The following ADAMTS20 variants were observed in gnomAD, a reference collection of about 807,000 sequenced individuals.
ADAMTS20 encodes the protein A disintegrin and metalloproteinase with thrombospondin motifs 20.
In ADAMTS20, 225 loss-of-function variants were observed where a neutral mutation model predicts 260.1. The ratio of observed to expected loss-of-function variants is 0.87; its 90% CI spans 0.78 to 0.97. ADAMTS20 has a LOEUF of 0.97. ADAMTS20 is among the 50% of genes least tolerant of loss of function. The probability of loss-of-function intolerance (pLI) is 0.00; values close to 1 mark genes in which losing one functional copy is unlikely to be tolerated. For missense variants in ADAMTS20, 2,400 were observed against 2,337.7 expected (o/e 1.03, Z -0.55); for synonymous variants, 802 against 769.5 (o/e 1.04, Z -0.70).
In ADAMTS20 at chr12:43,394,524, C is replaced by CTA. The variant is rs554162342; in HGVS notation, c.4452+4540_4452+4541dup. On this transcript the variant is annotated intron_variant, in intron 29 of 38. Transcript: ENST00000389420. ...TTATTTACCCTTTAACCTGTAAAATCTATATATATAATATTTCACATTTAT... is the reference window on the plus strand; with the variant it reads ...TTATTTACCCTTTAACCTGTAAAATCTATATATATATAATATTTCACATTTAT... Among the ~76,000 whole-genome samples the CTA allele has an allele frequency of 4.3e-3, 648 of 152,074 alleles. 5 individuals carry two copies. The highest frequency in any genetic ancestry group is 0.015 in the African/African-American group (632 of 41,508).
At position 43,389,689 on chromosome 12, in the gene ADAMTS20, G is replaced by A. The variant is rs376022295; in HGVS notation, c.4453-5712C>T. Among the ~76,000 whole-genome samples, 3 of 151,548 alleles carry A rather than the reference G, an allele frequency of 2.0e-5. No individual in the cohort carries two copies. The East Asian group carries it at 5.8e-4, about 29-fold the overall frequency. ...AGCTTAGTGGGGACAATTCAGCCAGGTTTTTTTTGTTTTTGTTTTTGTTTT... is the reference window on the plus strand; with the variant it reads ...AGCTTAGTGGGGACAATTCAGCCAGATTTTTTTTGTTTTTGTTTTTGTTTT... On this transcript the variant is annotated intron_variant, in intron 29 of 38. Transcript: ENST00000389420.
At chr12:43,432,006 T>C (rs1941454093) in intron 21 of ADAMTS20, among the ~76,000 whole-genome samples, 1 of 151,814 alleles carries the variant, frequency 6.6e-6, no homozygotes, top group African/African-American at 2.4e-5. Context: ...GCCTCCCGAG[T>C]AGCTGGGACC....
intron 3 of ADAMTS20, among the ~76,000 whole-genome samples, chr12:43,509,775 T>C (rs754205915): frequency 2.6e-5 from 4 of 152,096 alleles, no homozygotes; most frequent in Non-Finnish European, 5.9e-5. Context: ...GGGTCATATA[T>C]TCATCAATAT....
At chr12:43,377,646 T>A in intron 31 of ADAMTS20, 84 bp from the exon 32 acceptor site, 23 of 1,046,178 alleles carry the variant, frequency 2.2e-5, no homozygotes, top group Non-Finnish European at 3.0e-5. Flanking sequence ...ATATATATTA[T>A]GCTGTGTCAT....
chr12:43,432,374 A>C lies in ADAMTS20; in HGVS notation c.3026T>G (p.Leu1009Arg), dbSNP rs1188874270. The change falls in exon 21 of 39, where the codon CTG becomes CGG. Residue 1009 changes from leucine (L) to arginine (R), a missense_variant. Coordinates refer to ENST00000389420, the MANE Select transcript of ADAMTS20 (RefSeq NM_025003.5). The stretch of plus-strand genomic sequence containing the variant: ...GCAATTCTCTCTCGTCACTCGGGAC[A>C]GTTCTTGGCATTCATTGTCAGCAAG... ...HRLADNECQE[L>R]SRVTRENCNE... The C allele has an allele frequency of 1.2e-6, 2 of 1,613,948 alleles. No individual in the cohort carries two copies. The highest frequency in any genetic ancestry group is 3.3e-5 in the Admixed American group (2 of 60,002).
intron 3 of ADAMTS20, among the ~76,000 whole-genome samples, chr12:43,512,667 T>C (rs1009922421): frequency 3.3e-5 from 5 of 152,168 alleles, no homozygotes; most frequent in Non-Finnish European, 7.4e-5. Flanking sequence ...AACTTGCCAG[T>C]GGCCAGCTGA....
At chr12:43,491,387 C>T (rs1229036300) in intron 6 of ADAMTS20, among the ~76,000 whole-genome samples, 1 of 152,124 alleles carries the variant, frequency 6.6e-6, no homozygotes, top group South Asian at 2.1e-4. Context: ...TGGAATGTGT[C>T]CCCGTCATTA....
rs767283639 is a variant in ADAMTS20, at chr12:43,437,592, A to T, written c.2593+2030T>A. On this transcript the variant is annotated intron_variant, in intron 18 of 38. Transcript: ENST00000389420. The stretch of plus-strand genomic sequence containing the variant: ...AAGAACTTCAAAATTCTAAAGAAAA[A>T]CATTCTCTATTTATACCAGCTAAAC... Among the ~76,000 whole-genome samples, 38 of 152,298 alleles carry T rather than the reference A, an allele frequency of 2.5e-4. No individual in the cohort carries two copies. The Middle Eastern group carries it at 0.01, about 41-fold the overall frequency.
chr12:43,357,028 C>G (rs576765635), intron 37 of ADAMTS20, among the ~76,000 whole-genome samples: 10 of 152,164 alleles, frequency 6.6e-5, no homozygotes, highest in Admixed American at 1.3e-4. Context: ...AAACAGCGTG[C>G]AGATGTGTGA....
chr12:43,526,667 C>A (rs1254818187), intron 3 of ADAMTS20, among the ~76,000 whole-genome samples: 3 of 152,120 alleles, frequency 2.0e-5, no homozygotes, highest in African/African-American at 4.8e-5. Flanking sequence ...TTATCAAAAT[C>A]TTTGGGACAG....
intron 7 of ADAMTS20, among the ~76,000 whole-genome samples, chr12:43,471,669 TC>T (rs1422480816): frequency 1.4e-5 from 2 of 139,054 alleles, no homozygotes; most frequent in African/African-American, 5.5e-5. Context: ...CTCAAGTGGG[TC>T]CCTGACCCCT....
At chr12:43,389,076 C>A (rs750779985) in intron 29 of ADAMTS20, among the ~76,000 whole-genome samples, 3 of 152,186 alleles carry the variant, frequency 2.0e-5, no homozygotes, top group Non-Finnish European at 4.4e-5. Context: ...CCCTGCCCCA[C>A]TCCTCAAATT....
In ADAMTS20 at chr12:43,377,417, C is replaced by A; in HGVS notation, c.4943G>T (p.Cys1648Phe). Residue 1648 changes from cysteine to phenylalanine, a missense_variant, in exon 32 of 39, where the codon TGC (cysteine) becomes TTC (phenylalanine). Transcript: ENST00000389420. ...PVVPSSQVYQ[C>F]INSCLHLATW... ...GGCCAAATGCAAACAGCTGTTAATG[C>A]ATTGGTAAACCTGAGAGGAAGGCAC... The A allele has an allele frequency of 6.2e-7, 1 of 1,613,390 alleles. No individual in the cohort carries two copies. Among genetic ancestry groups the A allele is most frequent in the Non-Finnish European group, 8.5e-7 (1 of 1,179,600 alleles).
At chr12:43,445,092 G>A (rs1447495950) in intron 15 of ADAMTS20, among the ~76,000 whole-genome samples, 2 of 151,852 alleles carry the variant, frequency 1.3e-5, no homozygotes, top group Middle Eastern at 3.2e-3. Context: ...TTTCAAGAAA[G>A]CAAGCCTAAG....
At chr12:43,464,541 A>G (rs1244905417) in intron 10 of ADAMTS20, 50 bp downstream of exon 10, 1 of 1,581,534 alleles carries the variant, frequency 6.3e-7, no homozygotes, top group Admixed American at 1.8e-5. Flanking sequence ...ATATTCTAAG[A>G]TAACTTTATG....
chr12:43,354,741 T>G (rs533135918), intron 38 of ADAMTS20, among the ~76,000 whole-genome samples: 18 of 152,360 alleles, frequency 1.2e-4, no homozygotes, highest in African/African-American at 4.1e-4. Context: ...GGCATATAAT[T>G]CATTTTCTAT....
chr12:43,522,419 A>G (rs1254412089), intron 3 of ADAMTS20, among the ~76,000 whole-genome samples: 1 of 152,204 alleles, frequency 6.6e-6, no homozygotes, highest in Non-Finnish European at 1.5e-5. Context: ...GCATGTCACC[A>G]TCTAAAGACA....
rs368419833 is a variant in ADAMTS20 at position 43,421,282 on chromosome 12, C to CACAA, written c.4284+4231_4284+4232insTTGT. 1.3e-4 allele frequency among the ~76,000 whole-genome samples: 16 copies of CACAA among 118,880 alleles called. 1 individual carries two copies. Among genetic ancestry groups the CACAA allele is most frequent in the South Asian group, 2.7e-4 (1 of 3,700 alleles). 78.0% of individuals were successfully genotyped at this position (118,880 alleles called of 152,430 possible). ...GGTTCAAGTAGCAAGCTTTCATTTA[C>CACAA]AAAAAAAAAAAAAAAACTTTCTCTT... On this transcript the variant is annotated intron_variant, in intron 28 of 38. Coordinates refer to ENST00000389420, the MANE Select transcript of ADAMTS20 (RefSeq NM_025003.5).
intron 16 of ADAMTS20, among the ~76,000 whole-genome samples, chr12:43,440,431 A>G (rs1219758305): frequency 1.3e-5 from 2 of 152,180 alleles, no homozygotes; most frequent in African/African-American, 4.8e-5. Context: ...TACAGGCGTG[A>G]GCAACCGCAC....
Sources: gnomAD v4.1 joint callset for allele counts (sites outside exome capture counted in the v4.1 genomes callset) on GRCh38, gnomAD v4.1.1 for gene constraint, MANE v1.5 for transcripts, NCBI Gene and HGNC (gene_info 2026-07-23, HGNC 2026-07-21) for gene names.